The following NTNG1 variants were observed in gnomAD, a reference collection of about 807,000 sequenced individuals.
NTNG1 encodes netrin-G1.
NTNG1 carries 16 observed loss-of-function variants against 54.0 expected under a neutral mutation model. The ratio of observed to expected loss-of-function variants is 0.30; its 90% CI spans 0.20 to 0.45. The LOEUF is 0.45. Ranked by LOEUF, NTNG1 falls within the 20% of genes least tolerant of loss-of-function variation. The pLI is 1.00. For synonymous variants in NTNG1, 255 were observed against 263.1 expected (o/e 0.97, Z 0.30); for missense variants, 530 against 678.7 (o/e 0.78, Z 2.43).
intron 2 of NTNG1, among the ~76,000 whole-genome samples, chr1:107,262,409 A>G (rs762034232): frequency 6.6e-6 from 1 of 152,236 alleles, no homozygotes; most frequent in Non-Finnish European, 1.5e-5. Context: ...GGAGACAAGC[A>G]TAGAGATTTA....
rs1671564210 is a variant in NTNG1 at position 107,380,314 on chromosome 1, T to C, written c.888-14840T>C. On this transcript the variant is annotated intron_variant, in intron 3 of 7. Coordinates refer to ENST00000370068, the MANE Select transcript of NTNG1 (RefSeq NM_001113226.3). Reference sequence around the variant, plus strand: ...CTTAAAAGATGAAAGTTGCCTTACTTTGTTTAAAGTATTGCTAATAGGACT... The same window carrying C: ...CTTAAAAGATGAAAGTTGCCTTACTCTGTTTAAAGTATTGCTAATAGGACT... 2.0e-5 allele frequency among the ~76,000 whole-genome samples: 3 copies of C among 152,222 alleles called. No individual in the cohort carries two copies. In the South Asian group the frequency reaches 6.2e-4, roughly 32 times the overall value.
intron 2 of NTNG1, among the ~76,000 whole-genome samples, chr1:107,287,611 G>T (rs369822109): frequency 3.4e-4 from 52 of 152,278 alleles, no homozygotes; most frequent in African/African-American, 1.2e-3. Context: ...CTTAAATTTA[G>T]AGGGTTGATG....
intron 2 of NTNG1, among the ~76,000 whole-genome samples, chr1:107,154,474 T>C (rs1036191420): frequency 2.0e-5 from 3 of 151,444 alleles, no homozygotes; most frequent in Non-Finnish European, 4.4e-5. Flanking sequence ...CATGCGCCTG[T>C]AGTCCCAGCT....
chr1:107,144,604 G>A (rs942875315), intron 1 of NTNG1, among the ~76,000 whole-genome samples: 2 of 151,810 alleles, frequency 1.3e-5, no homozygotes, highest in African/African-American at 4.8e-5. Flanking sequence ...TGAAAGAAAG[G>A]GCCTGTGAAA....
At chr1:107,390,483 G>A (rs1672293511) in intron 3 of NTNG1, among the ~76,000 whole-genome samples, 1 of 152,170 alleles carries the variant, frequency 6.6e-6, no homozygotes, top group African/African-American at 2.4e-5. Flanking sequence ...ATCCCCTGGA[G>A]TTTAAATGAA....
intron 2 of NTNG1, among the ~76,000 whole-genome samples, chr1:107,295,539 C>T (rs1665889229): frequency 2.0e-5 from 3 of 152,120 alleles, no homozygotes; most frequent in Non-Finnish European, 1.5e-5. Flanking sequence ...ATCTGCTGGA[C>T]TTAGGTCCGG....
At chr1:107,208,081 G>A (rs1328365624) in intron 2 of NTNG1, among the ~76,000 whole-genome samples, 1 of 152,142 alleles carries the variant, frequency 6.6e-6, no homozygotes, top group East Asian at 1.9e-4. Context: ...AGGCGTCGAA[G>A]GCATGTGTGT....
chr1:107,165,746 G>A (rs1442096805), intron 2 of NTNG1, among the ~76,000 whole-genome samples: 5 of 152,198 alleles, frequency 3.3e-5, no homozygotes, highest in South Asian at 2.1e-4. Flanking sequence ...ATTATTGTCC[G>A]TCAATAATCT....
At position 107,310,763 on chromosome 1, in the gene NTNG1, G is replaced by C. The variant is rs536988623; in HGVS notation, c.247-13519G>C. Reference sequence around the variant, plus strand: ...TGAAAAGAGGGAATAAGAAGATAGAGTTGTTTTAGTTCAGTGGGCCCTGAA... The same window carrying C: ...TGAAAAGAGGGAATAAGAAGATAGACTTGTTTTAGTTCAGTGGGCCCTGAA... On this transcript the variant is annotated intron_variant, in intron 2 of 7. Transcript: ENST00000370068. Among the ~76,000 whole-genome samples, 5 of 152,160 alleles carry C rather than the reference G, an allele frequency of 3.3e-5. No homozygotes were observed. In the South Asian group the frequency reaches 6.2e-4, roughly 19 times the overall value.
chr1:107,276,952 T>C (rs556084021), intron 2 of NTNG1, among the ~76,000 whole-genome samples: 3 of 152,112 alleles, frequency 2.0e-5, no homozygotes, highest in African/African-American at 7.2e-5. Flanking sequence ...AAGAGATTTA[T>C]TGGGGAGAAC....
At chr1:107,143,839 G>C (rs1226850908) in intron 1 of NTNG1, among the ~76,000 whole-genome samples, 5 of 151,832 alleles carry the variant, frequency 3.3e-5, no homozygotes, top group Non-Finnish European at 1.5e-5. Flanking sequence ...AATAGTTTTG[G>C]GTATTATCCC....
intron 2 of NTNG1, among the ~76,000 whole-genome samples, chr1:107,226,228 C>T (rs992267320): frequency 3.9e-5 from 6 of 152,066 alleles, no homozygotes; most frequent in African/African-American, 1.4e-4. Flanking sequence ...CATGATGTCC[C>T]GGTGTACTCT....
chr1:107,405,549 T>G (rs527494833), intron 4 of NTNG1, among the ~76,000 whole-genome samples: 72 of 152,252 alleles, frequency 4.7e-4, no homozygotes, highest in Admixed American at 3.5e-3. Context: ...ATGAAAAAAT[T>G]TCTGCATCTT....
At chr1:107,430,702 C>T (rs369049353) in intron 5 of NTNG1, 48 bp from the exon 6 acceptor site, 7 of 1,587,948 alleles carry the variant, frequency 4.4e-6, no homozygotes, top group African/African-American at 2.7e-5. Flanking sequence ...TATGCTATTA[C>T]TCTGCTACTG....
chr1:107,156,194 T>C (rs1414849445), intron 2 of NTNG1, among the ~76,000 whole-genome samples: 1 of 152,216 alleles, frequency 6.6e-6, no homozygotes, highest in Non-Finnish European at 1.5e-5. Context: ...AATGTTTTCC[T>C]CTGTAAATTA....
At chr1:107,174,561 T>C (rs1280157838) in intron 2 of NTNG1, among the ~76,000 whole-genome samples, 1 of 151,964 alleles carries the variant, frequency 6.6e-6, no homozygotes, top group Admixed American at 6.6e-5. Flanking sequence ...TCCAAAGTGC[T>C]CCCATAACAT....
At chr1:107,430,709 A>G (rs770354229) in intron 5 of NTNG1, 41 bp from the exon 6 acceptor site, 10 of 1,602,972 alleles carry the variant, frequency 6.2e-6, no homozygotes, top group Non-Finnish European at 7.7e-6. Flanking sequence ...TTACTCTGCT[A>G]CTGTATACAC....
chr1:107,478,888 C>T (rs1678511588), intron 7 of NTNG1, among the ~76,000 whole-genome samples: 1 of 152,252 alleles, frequency 6.6e-6, no homozygotes, highest in African/African-American at 2.4e-5. Context: ...AACCACCCTA[C>T]ATGTGGACTT....
At chr1:107,371,093 T>C (rs1557941227) in intron 3 of NTNG1, among the ~76,000 whole-genome samples, 1 of 152,096 alleles carries the variant, frequency 6.6e-6, no homozygotes, top group African/African-American at 2.4e-5. Flanking sequence ...TTAAGTGAAA[T>C]GTTAAATATA....
Sources: allele counts gnomAD v4.1 joint callset (sites outside exome capture counted in the v4.1 genomes callset), GRCh38; gene constraint gnomAD v4.1.1; transcripts MANE v1.5; gene names NCBI Gene and HGNC (gene_info 2026-07-23, HGNC 2026-07-21).